The following WDPCP variants were observed in gnomAD, a reference collection of about 807,000 sequenced individuals.
WDPCP encodes WD repeat containing planar cell polarity effector, also known as WD repeat-containing and planar cell polarity effector protein fritz homolog.
Under a neutral mutation model 93.1 loss-of-function variants are expected in WDPCP, and 71 were observed. The observed-to-expected ratio is 0.76, with a 90% CI of 0.63 to 0.93. The LOEUF is 0.93. WDPCP is among the 40% of genes least tolerant of loss of function. The probability of loss-of-function intolerance (pLI) is 0.00; values close to 1 mark genes in which losing one functional copy is unlikely to be tolerated. For missense variants in WDPCP, 844 were observed against 887.4 expected (o/e 0.95, Z 0.62); for synonymous variants, 315 against 315.0 (o/e 1.00, Z 0.00).
At chr2:63,308,291 G>C (rs1685903608) in intron 13 of WDPCP, among the ~76,000 whole-genome samples, 1 of 152,200 alleles carries the variant, frequency 6.6e-6, no homozygotes, top group African/African-American at 2.4e-5. Context: ...TAACGCTGTT[G>C]GTGAGAGCAC....
chr2:63,239,054 C>A (rs1679648876), intron 14 of WDPCP, among the ~76,000 whole-genome samples: 1 of 152,122 alleles, frequency 6.6e-6, no homozygotes, highest in South Asian at 2.1e-4. Flanking sequence ...AGCCTCAGTG[C>A]AGCACTGGAA....
chr2:63,323,979 G>A (rs538160724), intron 12 of WDPCP, among the ~76,000 whole-genome samples: 81 of 152,114 alleles, frequency 5.3e-4, no homozygotes, highest in African/African-American at 1.9e-3. Flanking sequence ...AAACACTCAG[G>A]CATCAACAGG....
Position 63,390,422 on chromosome 2 carries a change from GC to G in WDPCP, c.1436-8329del, listed in dbSNP as rs1210169038. 2.6e-5 allele frequency among the ~76,000 whole-genome samples: 4 copies of G among 152,080 alleles called. No individual in the cohort carries two copies. The East Asian group carries it at 7.7e-4, about 29-fold the overall frequency. ...AGCAATGTGTAGGAGAAAATTTACA[GC>G]ACTAAATGCCCTCAAGAGAAAGCAG... On this transcript the variant is annotated intron_variant, in intron 10 of 17. Coordinates refer to ENST00000272321, the MANE Select transcript of WDPCP (RefSeq NM_015910.7).
chr2:63,688,141 G>T (rs1412682457), intron 2 of WDPCP, among the ~76,000 whole-genome samples: 1 of 152,132 alleles, frequency 6.6e-6, no homozygotes, highest in Middle Eastern at 3.2e-3. Context: ...AAGTTAAAAC[G>T]ATTGGCCTGG....
intron 15 of WDPCP, among the ~76,000 whole-genome samples, chr2:63,174,246 C>G (rs947388723): frequency 6.6e-6 from 1 of 151,990 alleles, no homozygotes; most frequent in African/African-American, 2.4e-5. Flanking sequence ...CCCCATGTAG[C>G]AAACTGGACA....
chr2:63,488,441 T>C (rs1700695287), intron 2 of WDPCP, among the ~76,000 whole-genome samples: 1 of 152,118 alleles, frequency 6.6e-6, no homozygotes, highest in Admixed American at 6.6e-5. Context: ...TAAAGCTCTA[T>C]TTTATTCATC....
At chr2:63,337,790 G>A (rs1205036299) in intron 12 of WDPCP, among the ~76,000 whole-genome samples, 1 of 152,094 alleles carries the variant, frequency 6.6e-6, no homozygotes, top group South Asian at 2.1e-4. Flanking sequence ...TTGGCCATTA[G>A]TATGTCTTCT....
At chr2:63,283,314 G>A (rs1487109367) in intron 13 of WDPCP, among the ~76,000 whole-genome samples, 1 of 152,102 alleles carries the variant, frequency 6.6e-6, no homozygotes, top group African/African-American at 2.4e-5. Context: ...GCGTCACTAG[G>A]ATTACAGGTG....
At chr2:63,695,999 G>T (rs1668955626) in intron 2 of WDPCP, among the ~76,000 whole-genome samples, 1 of 152,144 alleles carries the variant, frequency 6.6e-6, no homozygotes, top group African/African-American at 2.4e-5. Context: ...AGATGGTTGA[G>T]GTTGGGGGAC....
At chr2:63,639,665 T>C (rs1036365328) in intron 3 of WDPCP, among the ~76,000 whole-genome samples, 1 of 152,186 alleles carries the variant, frequency 6.6e-6, no homozygotes, top group African/African-American at 2.4e-5. Context: ...AACATTTAAA[T>C]CATAGCAGAA....
intron 3 of WDPCP, among the ~76,000 whole-genome samples, chr2:63,649,297 A>G (rs565836044): frequency 6.5e-4 from 99 of 152,356 alleles, no homozygotes; most frequent in African/African-American, 2.2e-3. Flanking sequence ...AAATGGAATC[A>G]TACAACATGT....
intron 12 of WDPCP, among the ~76,000 whole-genome samples, chr2:63,321,067 C>T (rs1338655797): frequency 6.6e-6 from 1 of 151,884 alleles, no homozygotes; most frequent in Non-Finnish European, 1.5e-5. Context: ...AGGGACATTT[C>T]ATAATGATAA....
chr2:63,189,128 C>A (rs1040721250), intron 14 of WDPCP, among the ~76,000 whole-genome samples: 1 of 152,152 alleles, frequency 6.6e-6, no homozygotes, highest in African/African-American at 2.4e-5. Context: ...CTTGCTCCCC[C>A]TAGAGCCTGC....
chr2:63,692,176 T>C (rs1032487802), intron 2 of WDPCP, among the ~76,000 whole-genome samples: 1 of 152,006 alleles, frequency 6.6e-6, no homozygotes, highest in African/African-American at 2.4e-5. Context: ...TTAATATAAG[T>C]ATATAAAACA....
At chr2:63,736,400 T>G (rs1214203172) in intron 2 of WDPCP, among the ~76,000 whole-genome samples, 1 of 152,236 alleles carries the variant, frequency 6.6e-6, no homozygotes, top group African/African-American at 2.4e-5. Context: ...AACACTGGCT[T>G]AAATGCAATG....
intron 2 of WDPCP, among the ~76,000 whole-genome samples, chr2:63,653,986 TAGAAAC>T (rs1157137342): frequency 6.7e-6 from 1 of 149,914 alleles, no homozygotes; most frequent in Non-Finnish European, 1.5e-5. Context: ...AATCAGTTGA[TAGAAAC>T]AGACCCAGAA....
intron 1 of WDPCP, among the ~76,000 whole-genome samples, chr2:63,537,191 T>C (rs181366444): frequency 9.2e-5 from 14 of 152,344 alleles, no homozygotes; most frequent in Admixed American, 8.5e-4. Flanking sequence ...CCTTTACTAC[T>C]GTTTCTTCCA....
At chr2:63,453,478 A>G (rs1698402144) in intron 6 of WDPCP, among the ~76,000 whole-genome samples, 1 of 152,176 alleles carries the variant, frequency 6.6e-6, no homozygotes, top group East Asian at 1.9e-4. Context: ...AAATAGGAAC[A>G]CTTTTACACT....
chr2:63,423,927 T>A (rs948934885), intron 9 of WDPCP, among the ~76,000 whole-genome samples: 1 of 150,950 alleles, frequency 6.6e-6, no homozygotes, highest in Non-Finnish European at 1.5e-5. Flanking sequence ...TAAGCCAAGG[T>A]ACTTGGAACA....
Sources: allele counts gnomAD v4.1 joint callset (sites outside exome capture counted in the v4.1 genomes callset), GRCh38; gene constraint gnomAD v4.1.1; transcripts MANE v1.5; gene names NCBI Gene and HGNC (gene_info 2026-07-23, HGNC 2026-07-21).